Variants in ZAN observed in about 807,000 individuals in gnomAD.
ZAN encodes the protein zonadhesin.
In ZAN, 260 loss-of-function variants were observed where a neutral mutation model predicts 286.2. That is an observed-to-expected ratio of 0.91 (90% CI 0.82 to 1.01). The LOEUF (loss-of-function observed/expected upper bound fraction) is 1.01, where lower values mean the gene tolerates loss of function less well. Ranked by LOEUF, ZAN falls within the 50% of genes least tolerant of loss-of-function variation. The probability of loss-of-function intolerance (pLI) is 0.00; values close to 1 mark genes in which losing one functional copy is unlikely to be tolerated. For missense variants in ZAN, 3,410 were observed against 3,639.2 expected, an observed-to-expected ratio of 0.94 and a Z score of 1.62; for synonymous variants, 1,368 against 1,417.5, an observed-to-expected ratio of 0.97 and a Z score of 0.79.
chr7:100,734,629 A>C lies in ZAN; in HGVS notation c.53+408A>C, dbSNP rs1431396353. On this transcript the variant is annotated intron_variant, in intron 2 of 47. Transcript: ENST00000613979. ...GCGAGACTCCGTCTCAAAAAAAAAA[A>C]AACAAAAAAAAAGACCTTGAGAGGA... 5.7e-5 allele frequency among the ~76,000 whole-genome samples: 8 copies of C among 139,242 alleles called. 1 individual carries two copies. Among genetic ancestry groups the C allele is most frequent in the East Asian group, 2.0e-4 (1 of 4,880 alleles). 91.3% of individuals were successfully genotyped at this position (139,242 alleles called of 152,430 possible).
At chr7:100,766,807 G>A in intron 24 of ZAN, 141 bp downstream of exon 24, 2 of 1,422,634 alleles carry the variant, frequency 1.4e-6, no homozygotes, top group South Asian at 2.9e-5. Context: ...GCATTTTCAG[G>A]GACCCAAAGG....
chr7:100,784,685 T>G lies in ZAN; in HGVS notation c.6685T>G (p.Trp2229Gly), dbSNP rs756386267. The G allele has an allele frequency of 1.2e-6, 2 of 1,613,976 alleles. No homozygotes were observed. The highest frequency in any genetic ancestry group is 2.7e-5 in the African/African-American group (2 of 75,044). ...NCLPSCSPSCWDLDGRCEGAK... is the reference protein window; with the variant it reads ...NCLPSCSPSCGDLDGRCEGAK... Reference sequence around the variant, plus strand: ...CCTTCCCTCCTGCTCACCCTCCTGCTGGGACCTGGATGGCCGGTGTGAGGG... The same window carrying G: ...CCTTCCCTCCTGCTCACCCTCCTGCGGGGACCTGGATGGCCGGTGTGAGGG... Residue 2229 changes from tryptophan to glycine, a missense_variant, in exon 36 of 48, where the codon TGG becomes GGG. Trp to Gly is a radical substitution (Grantham distance 184, BLOSUM62 -2). This residue lies in a region of ZAN where 1,289 missense variants were observed against 1,314.3 expected (regional missense o/e 0.98). Coordinates refer to ENST00000613979, the MANE Select transcript of ZAN (RefSeq NM_003386.3).
chr7:100,768,522 A>T, intron 26 of ZAN, 88 bp from the exon 27 acceptor site: 1 of 1,110,008 alleles, frequency 9.0e-7, no homozygotes, highest in Non-Finnish European at 1.3e-6. Flanking sequence ...TGTAGAATGA[A>T]AAGTGAGGGT....
rs781282156 is a variant in ZAN, at chr7:100,750,792, G to A, written c.1417G>A (p.Ala473Thr). 2 of 1,611,262 alleles carry A rather than the reference G, an allele frequency of 1.2e-6. No homozygotes were observed. Among genetic ancestry groups the A allele is most frequent in the South Asian group, 2.2e-5 (2 of 90,830 alleles). Residue 473 changes from alanine (A) to threonine (T), a missense_variant, in exon 12 of 48, where the codon GCG (alanine) becomes ACG (threonine). Physicochemically the swap from Ala to Thr is moderately conservative, Grantham distance 58. Around this residue, in one of 7 missense-constraint regions of ZAN, gnomAD observed 872 missense variants for 938.9 expected, o/e 0.93. Coordinates refer to ENST00000613979, the MANE Select transcript of ZAN (RefSeq NM_003386.3). ...GCTCGAACTCCTCCTGGGAAGTCCT[G>A]CGGGGAGTCCCCCGATTCCTCTCTG... The part of the protein sequence containing the change: ...TMLELLLGSP[A>T]GSPPIPLWKR...
rs201619006 is a variant in ZAN, at chr7:100,748,142, C to T, written c.1029C>T (p.Ala343=). The part of the protein sequence containing the change: ...NYTAVGRIQF[A]VVGVFGKTPE... ...CCATCTCCCTTTCTCTCCAGTTTGC[C>T]GTGGTAGGCGTTTTTGGAAAGACCC... The change falls in exon 10 of 48, where the codon GCC becomes GCT. Residue 343 remains alanine (A), a synonymous_variant. Coordinates refer to ENST00000613979, the MANE Select transcript of ZAN (RefSeq NM_003386.3). The T allele has an allele frequency of 4.1e-3, 6,631 of 1,613,720 alleles. 294 individuals are homozygous for T. The South Asian group carries it at 0.068, about 17-fold the overall frequency.
chr7:100,773,590 G>A, intron 30 of ZAN, 97 bp downstream of exon 30: 1 of 1,548,160 alleles, frequency 6.5e-7, no homozygotes, highest in South Asian at 1.2e-5. Context: ...TCAGAACCTG[G>A]GAGGGGCAGG....
chr7:100,770,569 G>A (rs1810307607), intron 28 of ZAN, among the ~76,000 whole-genome samples: 1 of 150,034 alleles, frequency 6.7e-6, no homozygotes, highest in African/African-American at 2.4e-5. Context: ...GGCTGTTCTC[G>A]AACTATGGAC....
At position 100,765,511 on chromosome 7, in the gene ZAN, G is replaced by A. The variant is rs754630270; in HGVS notation, c.4427G>A (p.Arg1476His). The change falls in exon 23 of 48, where the codon CGC becomes CAC. Residue 1476 changes from arginine (R) to histidine (H), a missense_variant. This residue lies in a region of ZAN where 1,042 missense variants were observed against 1,058.0 expected (regional missense o/e 0.98). Transcript: ENST00000613979. Reference sequence around the variant, plus strand: ...CTCAGTGGCCTCGAGTGCATACCTCGCTCCCAGTGTGGGTGCCTCCACCCT... The same window carrying A: ...CTCAGTGGCCTCGAGTGCATACCTCACTCCCAGTGTGGGTGCCTCCACCCT... ...FVLSGLECIP[R>H]SQCGCLHPAG... 7 of 1,611,024 alleles carry A rather than the reference G, an allele frequency of 4.3e-6. No homozygotes were observed. Among genetic ancestry groups the A allele is most frequent in the East Asian group, 2.2e-5 (1 of 44,774 alleles).
intron 34 of ZAN, 150 bp from the exon 35 acceptor site, chr7:100,779,296 A>C (rs879821887): frequency 2.1e-5 from 17 of 795,026 alleles, no homozygotes; most frequent in Non-Finnish European, 3.1e-5. Flanking sequence ...TCGCTTGAAC[A>C]TGGGAGGGAA....
At chr7:100,736,762 C>A in intron 4 of ZAN, 47 bp from the exon 5 acceptor site, 1 of 1,457,138 alleles carries the variant, frequency 6.9e-7, no homozygotes, top group South Asian at 1.2e-5. Flanking sequence ...TGGGGGCAGC[C>A]CTCAGAGGTG....
At position 100,789,292 on chromosome 7, in the gene ZAN, C is replaced by T; in HGVS notation, c.7302C>T (p.Leu2434=). 2 of 1,613,906 alleles carry T rather than the reference C, an allele frequency of 1.2e-6. No homozygotes were observed. Among genetic ancestry groups the T allele is most frequent in the Non-Finnish European group, 1.7e-6 (2 of 1,179,874 alleles). Reference sequence around the variant, plus strand: ...GGGTCACCCTGTGGGGCCAACGGCTCTACCTGGTCACCGACTTTGAGCTGG... The same window carrying T: ...GGGTCACCCTGTGGGGCCAACGGCTTTACCTGGTCACCGACTTTGAGCTGG... ...HLRVTLWGQR[L]YLVTDFELVV... Residue 2434 remains leucine, a synonymous_variant, in exon 39 of 48, where the codon CTC becomes CTT. Transcript: ENST00000613979.
intron 23 of ZAN, 70 bp from the exon 24 acceptor site, chr7:100,766,433 ACAGCTCTGGTGAGCTCTGGTGT>A: frequency 6.9e-7 from 1 of 1,445,292 alleles, no homozygotes; most frequent in Non-Finnish European, 9.2e-7. Flanking sequence ...AGTGATCTGA[ACAGCTCTGGTGAGCTCTGGTGT>A]CAGATCTGGG....
At chr7:100,760,043 G>T (rs768678734) in intron 18 of ZAN, among the ~76,000 whole-genome samples, 198 bp downstream of exon 18, 1 of 152,064 alleles carries the variant, frequency 6.6e-6, no homozygotes, top group African/African-American at 2.4e-5. Flanking sequence ...GCAAGACCCT[G>T]TCTCTTAAAA....
At position 100,773,804 on chromosome 7, in the gene ZAN, C is replaced by A. The variant is rs1232845929; in HGVS notation, c.5718C>A (p.Ser1906Arg). 1 of 1,612,438 alleles carries A rather than the reference C, an allele frequency of 6.2e-7. No individual in the cohort carries two copies. Among genetic ancestry groups the A allele is most frequent in the African/African-American group, 1.3e-5 (1 of 74,970 alleles). Residue 1906 changes from serine to arginine, a missense_variant, in exon 31 of 48, where the codon AGC becomes AGA. Coordinates refer to ENST00000613979, the MANE Select transcript of ZAN (RefSeq NM_003386.3). ...ACAACAACATCACCTGCTTCCAGAG[C>A]ACCTGCAAACCCAACCAGATATGCT... The part of the protein sequence containing the change: ...SVHNNITCFQ[S>R]TCKPNQICWA...
chr7:100,759,712 C>T lies in ZAN; in HGVS notation c.3572-9C>T, dbSNP rs1361482664. On this transcript the variant is annotated splice_polypyrimidine_tract_variant and intron_variant, in intron 17 of 47. Transcript: ENST00000613979. ...CCACTGGGCTCTCTTCATTCCTCTC[C>T]CTACCCAGACCCATTCTTCAGGGTG... 3.2e-6 allele frequency: 5 copies of T among 1,579,574 alleles called. No individual in the cohort carries two copies. The South Asian group carries it at 4.7e-5, about 15-fold the overall frequency.
chr7:100,751,422 C>T lies in ZAN; in HGVS notation c.1606+156C>T, dbSNP rs115058077. On this transcript the variant is annotated intron_variant, in intron 13 of 47. Coordinates refer to ENST00000613979, the MANE Select transcript of ZAN (RefSeq NM_003386.3). ...CTTCAACACACCTCTCCTTCCCCTGCACTTCAAGATGTTTGCCTGGGTGAA... is the reference window on the plus strand; with the variant it reads ...CTTCAACACACCTCTCCTTCCCCTGTACTTCAAGATGTTTGCCTGGGTGAA... Among the ~76,000 whole-genome samples the T allele has an allele frequency of 1.4e-3, 206 of 152,312 alleles. 1 individual carries two copies. The highest frequency in any genetic ancestry group is 4.9e-3 in the African/African-American group (203 of 41,574).
At chr7:100,795,048 C>G (rs1303591385) in intron 44 of ZAN, 148 bp from the exon 45 acceptor site, 1 of 938,108 alleles carries the variant, frequency 1.1e-6, no homozygotes, top group Non-Finnish European at 1.5e-6. Context: ...GCTAGTGAGG[C>G]AGGGTTGGGA....
In ZAN at chr7:100,797,563, C is replaced by T; in HGVS notation, c.8367-14C>T. On this transcript the variant is annotated splice_polypyrimidine_tract_variant and intron_variant, in intron 46 of 47. Transcript: ENST00000613979. ...CCACTTGGGGACCCATGTCTATTCCCCCATGCCTTCTAGAGAGAAAACGCA... is the reference window on the plus strand; with the variant it reads ...CCACTTGGGGACCCATGTCTATTCCTCCATGCCTTCTAGAGAGAAAACGCA... 1 of 1,613,828 alleles carries T rather than the reference C, an allele frequency of 6.2e-7. No individual in the cohort carries two copies. Among genetic ancestry groups the T allele is most frequent in the Non-Finnish European group, 8.5e-7 (1 of 1,179,860 alleles).
At chr7:100,760,088 C>A (rs1809448093) in intron 18 of ZAN, among the ~76,000 whole-genome samples, 1 of 152,138 alleles carries the variant, frequency 6.6e-6, no homozygotes, top group South Asian at 2.1e-4. Flanking sequence ...GTGGCACTTG[C>A]CTGTTGTCCC....
Sources: allele counts gnomAD v4.1 joint callset (sites outside exome capture counted in the v4.1 genomes callset), GRCh38; gene constraint gnomAD v4.1.1; regional missense constraint gnomAD v4.1.1; transcripts MANE v1.5; gene names NCBI Gene and HGNC (gene_info 2026-07-23, HGNC 2026-07-21).